Variants in FAT3 observed in about 807,000 individuals in gnomAD.
FAT3 encodes the protein protocadherin Fat 3.
FAT3 carries 95 observed loss-of-function variants against 310.2 expected under a neutral mutation model. That is an observed-to-expected ratio of 0.31 (90% confidence interval 0.26 to 0.36). The LOEUF (loss-of-function observed/expected upper bound fraction) is 0.36, where lower values mean the gene tolerates loss of function less well. FAT3 is among the 10% of genes least tolerant of loss of function. The pLI is 1.00. For missense variants in FAT3, 5,408 were observed against 5,715.6 expected, an observed-to-expected ratio of 0.95 and a Z score of 1.74; for synonymous variants, 2,314 against 2,192.9, an observed-to-expected ratio of 1.06 and a Z score of -1.54.
At chr11:92,864,999 TTC>T (rs1949203000) in intron 21 of FAT3, among the ~76,000 whole-genome samples, 1 of 152,192 alleles carries the variant, frequency 6.6e-6, no homozygotes. Flanking sequence ...GCCATAGCAG[TTC>T]TCTCTGCTCT....
intron 4 of FAT3, among the ~76,000 whole-genome samples, chr11:92,719,222 A>G (rs2852861): frequency 0.063 from 9,649 of 152,258 alleles, 437 homozygotes; most frequent in Non-Finnish European, 0.1. Flanking sequence ...GAGCTGGGCC[A>G]GTTAGCATTT....
chr11:92,826,683 GCTTCACATTATTT>G lies in FAT3; in HGVS notation c.9482-4934_9482-4922del, dbSNP rs1304526459. Among the ~76,000 whole-genome samples, 3 of 152,174 alleles carry G rather than the reference GCTTCACATTATTT, an allele frequency of 2.0e-5. No individual in the cohort carries two copies. In the East Asian group the frequency reaches 5.8e-4, roughly 29 times the overall value. ...TTACTAAAATATGATTGTTGAAATT[GCTTCACATTATTT>G]CTTCCCAAGATACTTGCTCCTTTGA... is the stretch of plus-strand genomic sequence containing the variant. On this transcript the variant is annotated intron_variant, in intron 13 of 27. Transcript: ENST00000525166.
At chr11:92,281,902 C>T (rs1035738237) in intron 1 of FAT3, among the ~76,000 whole-genome samples, 1 of 152,046 alleles carries the variant, frequency 6.6e-6, no homozygotes, top group Non-Finnish European at 1.5e-5. Flanking sequence ...CTTGTGCAAA[C>T]ATTATCCCTT....
intron 3 of FAT3, among the ~76,000 whole-genome samples, chr11:92,686,628 T>TTA (rs1943640941): frequency 1.3e-5 from 2 of 151,970 alleles, no homozygotes; most frequent in African/African-American, 4.8e-5. Flanking sequence ...TGGGTTTTTT[T>TTA]AAAAAAAAGC....
chr11:92,617,224 A>G (rs945494930), intron 3 of FAT3, among the ~76,000 whole-genome samples: 6 of 151,994 alleles, frequency 3.9e-5, no homozygotes, highest in South Asian at 2.1e-4. Flanking sequence ...CATTTCATTC[A>G]TTTGATCTTC....
At chr11:92,752,736 CT>C (rs1280978523) in intron 4 of FAT3, among the ~76,000 whole-genome samples, 5 of 152,156 alleles carry the variant, frequency 3.3e-5, no homozygotes, top group African/African-American at 1.2e-4. Flanking sequence ...GACATGGCTG[CT>C]ACCCAAAATA....
intron 4 of FAT3, among the ~76,000 whole-genome samples, chr11:92,727,659 A>C (rs1945038777): frequency 6.6e-6 from 1 of 152,194 alleles, no homozygotes; most frequent in Non-Finnish European, 1.5e-5. Context: ...GGCAGCACGC[A>C]CTGCCTAAGG....
At chr11:92,420,704 C>T (rs1950517984) in intron 2 of FAT3, among the ~76,000 whole-genome samples, 1 of 151,990 alleles carries the variant, frequency 6.6e-6, no homozygotes. Context: ...CTTGCCTTTC[C>T]TTTTTTTAAA....
chr11:92,753,547 G>A (rs1169071808), intron 4 of FAT3, among the ~76,000 whole-genome samples: 2 of 152,062 alleles, frequency 1.3e-5, no homozygotes, highest in Admixed American at 6.5e-5. Context: ...TCGGTTTAAT[G>A]TTAAGAAAAG....
chr11:92,667,043 C>G (rs1361182941), intron 3 of FAT3, among the ~76,000 whole-genome samples: 1 of 152,096 alleles, frequency 6.6e-6, no homozygotes, highest in Non-Finnish European at 1.5e-5. Flanking sequence ...ACACCGAGAG[C>G]TAGGTATCTC....
intron 17 of FAT3, among the ~76,000 whole-genome samples, chr11:92,839,556 T>G (rs1012260754): frequency 8.5e-5 from 13 of 152,336 alleles, no homozygotes; most frequent in African/African-American, 3.1e-4. Context: ...AATGACGTTC[T>G]TATTTCCACA....
chr11:92,689,393 A>T (rs1335574245), intron 3 of FAT3, among the ~76,000 whole-genome samples: 15 of 152,258 alleles, frequency 9.9e-5, no homozygotes, highest in Admixed American at 9.8e-4. Context: ...ACATCTAAGC[A>T]TGCACATCAG....
chr11:92,297,256 C>T (rs1174110300), intron 1 of FAT3, among the ~76,000 whole-genome samples: 1 of 152,054 alleles, frequency 6.6e-6, no homozygotes, highest in African/African-American at 2.4e-5. Flanking sequence ...GTTTCATTGA[C>T]TTTTTGGTGC....
chr11:92,738,906 AT>A (rs749019118), intron 4 of FAT3, among the ~76,000 whole-genome samples: 77 of 152,266 alleles, frequency 5.1e-4, no homozygotes, highest in Non-Finnish European at 8.2e-4. Context: ...GTGTTCACAG[AT>A]ATTAAAGTGC....
intron 3 of FAT3, among the ~76,000 whole-genome samples, chr11:92,585,869 C>CA (rs1939121313): frequency 6.6e-6 from 1 of 151,348 alleles, no homozygotes; most frequent in Non-Finnish European, 1.5e-5. Flanking sequence ...TTATTCCTAC[C>CA]AAAAAAATCT....
intron 3 of FAT3, among the ~76,000 whole-genome samples, chr11:92,680,535 A>G (rs1943451949): frequency 6.6e-6 from 1 of 152,210 alleles, no homozygotes; most frequent in Non-Finnish European, 1.5e-5. Context: ...TTGAAGTTAG[A>G]CAATATGATG....
intron 1 of FAT3, among the ~76,000 whole-genome samples, chr11:92,226,279 A>G (rs1336794679): frequency 6.6e-6 from 1 of 152,040 alleles, no homozygotes; most frequent in Non-Finnish European, 1.5e-5. Context: ...TGTGATCTGA[A>G]TTCCCTCCTC....
At chr11:92,796,450 T>C (rs1947176085) in intron 9 of FAT3, among the ~76,000 whole-genome samples, 1 of 152,164 alleles carries the variant, frequency 6.6e-6, no homozygotes, top group African/African-American at 2.4e-5. Flanking sequence ...CCATTTTGTG[T>C]TCAGACATGG....
At chr11:92,434,317 T>C (rs753950094) in intron 2 of FAT3, among the ~76,000 whole-genome samples, 1 of 152,162 alleles carries the variant, frequency 6.6e-6, no homozygotes, top group Non-Finnish European at 1.5e-5. Context: ...TTTACATCAT[T>C]TCTACTCACA....
Sources: allele counts gnomAD v4.1 joint callset (sites outside exome capture counted in the v4.1 genomes callset), GRCh38; gene constraint gnomAD v4.1.1; transcripts MANE v1.5; gene names NCBI Gene and HGNC (gene_info 2026-07-23, HGNC 2026-07-21).